Variants in TBC1D15 observed in about 807,000 individuals in gnomAD.
TBC1D15 encodes the protein TBC1 domain family member 15.
Under a neutral mutation model 95.4 loss-of-function variants are expected in TBC1D15, and 39 were observed. That is an observed-to-expected ratio of 0.41 (90% CI 0.32 to 0.53). The LOEUF (loss-of-function observed/expected upper bound fraction) is 0.53, where lower values mean the gene tolerates loss of function less well. Among genes scored for constraint, TBC1D15 ranks in the 20% least tolerant of loss-of-function variants. The pLI, the probability that TBC1D15 is intolerant of heterozygous loss-of-function variation, is 0.29. For missense variants in TBC1D15, 733 were observed against 794.3 expected (o/e 0.92, Z 0.93); for synonymous variants, 258 against 261.3 (o/e 0.99, Z 0.12).
chr12:71,885,011 G>T lies in TBC1D15; in HGVS notation c.544G>T (p.Val182Leu). The T allele has an allele frequency of 6.2e-7, 1 of 1,613,416 alleles. No individual in the cohort carries two copies. Among genetic ancestry groups the T allele is most frequent in the Non-Finnish European group, 8.5e-7 (1 of 1,179,618 alleles). ...GATTGAATCTCTTGAAAAATATGTG[G>T]TATTGTGTGAGTAAGTATCATATTA... ...LLIESLEKYV[V>L]LCESPQDKRT... is the part of the protein sequence containing the mutation. Residue 182 changes from valine (V) to leucine (L), a missense_variant, in exon 5 of 17, where the codon GTA becomes TTA. Physicochemically the swap from Val to Leu is conservative, Grantham distance 32. Coordinates refer to ENST00000485960, the MANE Select transcript of TBC1D15 (RefSeq NM_001146213.3).
At chr12:71,891,458 T>C (rs906531396) in intron 5 of TBC1D15, among the ~76,000 whole-genome samples, 1 of 152,188 alleles carries the variant, frequency 6.6e-6, no homozygotes, top group Non-Finnish European at 1.5e-5. Flanking sequence ...TCCCAGAATA[T>C]ATATTTATAG....
In TBC1D15 at chr12:71,898,763, A is replaced by T. The variant is rs372059603; in HGVS notation, c.1183+822A>T. Reference sequence around the variant, plus strand: ...ATAGAGGGATTTGTTACTGCTGTTAACACCCTCCCATGAAAGAAATAATTT... The same window carrying T: ...ATAGAGGGATTTGTTACTGCTGTTATCACCCTCCCATGAAAGAAATAATTT... On this transcript the variant is annotated intron_variant, in intron 10 of 16. Transcript: ENST00000485960. 6.6e-5 allele frequency among the ~76,000 whole-genome samples: 10 copies of T among 152,232 alleles called. No homozygotes were observed. The East Asian group carries it at 1.3e-3, about 21-fold the overall frequency.
intron 1 of TBC1D15, among the ~76,000 whole-genome samples, chr12:71,841,731 A>C (rs73351214): frequency 0.058 from 8,892 of 152,138 alleles, 612 homozygotes; most frequent in East Asian, 0.32. Context: ...CTCCTTTTCT[A>C]CAGTCTCTGC....
chr12:71,851,415 C>T (rs1272134752), intron 1 of TBC1D15, among the ~76,000 whole-genome samples: 2 of 152,150 alleles, frequency 1.3e-5, no homozygotes, highest in African/African-American at 4.8e-5. Flanking sequence ...CCCAAATCTC[C>T]ATTTCCTTAT....
At chr12:71,912,251 T>TA (rs775835964) in intron 11 of TBC1D15, among the ~76,000 whole-genome samples, 14 of 152,306 alleles carry the variant, frequency 9.2e-5, no homozygotes, top group Non-Finnish European at 1.6e-4. Flanking sequence ...TAAATTTAGA[T>TA]ACCTTGTTGT....
intron 1 of TBC1D15, among the ~76,000 whole-genome samples, chr12:71,844,850 GT>G (rs1429833623): frequency 6.6e-6 from 1 of 152,168 alleles, no homozygotes. Flanking sequence ...AATACTGCTA[GT>G]TTAGTCAGAC....
chr12:71,906,279 A>C lies in TBC1D15; in HGVS notation c.1184-743A>C, dbSNP rs998543708. Among the ~76,000 whole-genome samples, 7 of 152,344 alleles carry C rather than the reference A, an allele frequency of 4.6e-5. No homozygotes were observed. The South Asian group carries it at 1.2e-3, about 27-fold the overall frequency. On this transcript the variant is annotated intron_variant, in intron 10 of 16. Coordinates refer to ENST00000485960, the MANE Select transcript of TBC1D15 (RefSeq NM_001146213.3). ...CAATTGATTCTACAGTAAATTAATC[A>C]AGAGTTTGTTTAAGTTACTTCTTCC...
At position 71,895,655 on chromosome 12, in the gene TBC1D15, C is replaced by A. The variant is rs1048065603; in HGVS notation, c.856-292C>A. 2.6e-5 allele frequency among the ~76,000 whole-genome samples: 4 copies of A among 152,016 alleles called. 1 individual carries two copies. Among genetic ancestry groups the A allele is most frequent in the Non-Finnish European group, 5.9e-5 (4 of 67,912 alleles). On this transcript the variant is annotated intron_variant, in intron 7 of 16. Coordinates refer to ENST00000485960, the MANE Select transcript of TBC1D15 (RefSeq NM_001146213.3). The stretch of plus-strand genomic sequence containing the variant: ...GAATTTACATGTTGAATGTTCTATA[C>A]TTACATAATTGAACCCAAAATAGTA...
chr12:71,852,517 C>G (rs1021822412), intron 1 of TBC1D15, among the ~76,000 whole-genome samples: 2 of 152,210 alleles, frequency 1.3e-5, no homozygotes, highest in Non-Finnish European at 2.9e-5. Flanking sequence ...ATTTTCTAAA[C>G]TTTTATGTCC....
intron 1 of TBC1D15, among the ~76,000 whole-genome samples, chr12:71,866,637 A>G (rs1272053145): frequency 1.3e-5 from 2 of 152,130 alleles, no homozygotes; most frequent in Non-Finnish European, 2.9e-5. Context: ...ATTTTTAGAG[A>G]CAGAGTCTTG....
At chr12:71,870,784 G>C (rs1223895404) in intron 1 of TBC1D15, among the ~76,000 whole-genome samples, 1 of 152,108 alleles carries the variant, frequency 6.6e-6, no homozygotes, top group Non-Finnish European at 1.5e-5. Context: ...TGTGATTTAG[G>C]GTGGTTGTAA....
At chr12:71,854,484 G>GT (rs1888563194) in intron 1 of TBC1D15, 9 of 451,388 alleles carry the variant, frequency 2.0e-5, no homozygotes, top group South Asian at 6.3e-5. Flanking sequence ...TCTTAAGATG[G>GT]TTTTTTCTCC....
chr12:71,916,447 G>A (rs148115326), intron 12 of TBC1D15, among the ~76,000 whole-genome samples: 123 of 152,184 alleles, frequency 8.1e-4, no homozygotes, highest in African/African-American at 2.9e-3. Context: ...TAAATGTGGA[G>A]GAACTATATC....
chr12:71,895,210 A>G (rs557815420), intron 7 of TBC1D15, among the ~76,000 whole-genome samples: 1 of 152,134 alleles, frequency 6.6e-6, no homozygotes, highest in East Asian at 1.9e-4. Context: ...ATGTTTTCTC[A>G]TAGGCATCAG....
At chr12:71,865,154 T>C (rs1891216764) in intron 1 of TBC1D15, among the ~76,000 whole-genome samples, 1 of 152,180 alleles carries the variant, frequency 6.6e-6, no homozygotes. Flanking sequence ...ATGTCCAGGC[T>C]CAGCATCTTA....
intron 11 of TBC1D15, among the ~76,000 whole-genome samples, chr12:71,912,429 C>G (rs1261440688): frequency 6.6e-6 from 1 of 151,986 alleles, no homozygotes; most frequent in African/African-American, 2.4e-5. Flanking sequence ...GTTAACAGGA[C>G]TGTGGAAAGA....
In TBC1D15 at chr12:71,886,697, A is replaced by AG. The variant is rs531033114; in HGVS notation, c.554+1677dup. 1.7e-4 allele frequency among the ~76,000 whole-genome samples: 26 copies of AG among 152,354 alleles called. No individual in the cohort carries two copies. In the East Asian group the frequency reaches 5.0e-3, roughly 29 times the overall value. On this transcript the variant is annotated intron_variant, in intron 5 of 16. Transcript: ENST00000485960. ...CAGTGCCAGTAAGTGTAAGAAAGTC[A>AG]GACCTGCTTGGTGGTATGTGGATTG...
intron 10 of TBC1D15, among the ~76,000 whole-genome samples, chr12:71,899,586 G>A (rs1391061982): frequency 6.6e-6 from 1 of 152,178 alleles, no homozygotes; most frequent in African/African-American, 2.4e-5. Context: ...AAACTACGCA[G>A]TAAGCTTTAG....
Position 71,899,638 on chromosome 12 carries a change from T to A in TBC1D15, c.1183+1697T>A, listed in dbSNP as rs77737143. ...AATAAGTTGGATTTTACTTTAAGTA[T>A]GATGAGACTCTATTGGAGCATTTTA... is the stretch of plus-strand genomic sequence containing the variant. On this transcript the variant is annotated intron_variant, in intron 10 of 16. Coordinates refer to ENST00000485960, the MANE Select transcript of TBC1D15 (RefSeq NM_001146213.3). 7.4e-4 allele frequency among the ~76,000 whole-genome samples: 112 copies of A among 152,344 alleles called. 1 individual carries two copies. The East Asian group carries it at 0.02, about 28-fold the overall frequency.
Sources: allele counts gnomAD v4.1 joint callset (sites outside exome capture counted in the v4.1 genomes callset), GRCh38; gene constraint gnomAD v4.1.1; transcripts MANE v1.5; gene names NCBI Gene and HGNC (gene_info 2026-07-23, HGNC 2026-07-21).